Variants in OXCT1 observed in about 807,000 individuals in gnomAD.
OXCT1 encodes the protein succinyl-CoA:3-ketoacid coenzyme A transferase 1, mitochondrial.
Under a neutral mutation model 69.6 loss-of-function variants are expected in OXCT1, and 27 were observed. The observed-to-expected ratio is 0.39, with a 90% CI of 0.29 to 0.54. The LOEUF (loss-of-function observed/expected upper bound fraction) is 0.54, where lower values mean the gene tolerates loss of function less well. Ranked by LOEUF, OXCT1 falls within the 20% of genes least tolerant of loss-of-function variation. The pLI, the probability that OXCT1 is intolerant of heterozygous loss-of-function variation, is 0.72. For synonymous variants in OXCT1, 202 were observed against 217.8 expected, an observed-to-expected ratio of 0.93 and a Z score of 0.64; for missense variants, 437 against 650.2, an observed-to-expected ratio of 0.67 and a Z score of 3.57.
At chr5:41,783,569 G>T (rs929995065) in intron 13 of OXCT1, among the ~76,000 whole-genome samples, 1 of 152,154 alleles carries the variant, frequency 6.6e-6, no homozygotes, top group Admixed American at 6.5e-5. Flanking sequence ...TAGCCAAAAG[G>T]ATATTTATAA....
intron 13 of OXCT1, among the ~76,000 whole-genome samples, chr5:41,782,274 G>A (rs1346015010): frequency 6.6e-6 from 1 of 151,378 alleles, no homozygotes; most frequent in African/African-American, 2.4e-5. Flanking sequence ...GAGTGCAGTG[G>A]TGTGACCTCA....
intron 7 of OXCT1, among the ~76,000 whole-genome samples, chr5:41,818,367 C>T (rs1171133896): frequency 6.6e-6 from 1 of 152,086 alleles, no homozygotes; most frequent in African/African-American, 2.4e-5. Flanking sequence ...GGATGTGTTA[C>T]TTGTCAAAGG....
intron 3 of OXCT1, among the ~76,000 whole-genome samples, chr5:41,853,829 A>G (rs1236626221): frequency 6.6e-6 from 1 of 152,160 alleles, no homozygotes; most frequent in African/African-American, 2.4e-5. Flanking sequence ...AGGGACATAC[A>G]GCCAATATTC....
At chr5:41,743,615 C>T (rs1383024785) in intron 15 of OXCT1, among the ~76,000 whole-genome samples, 1 of 152,124 alleles carries the variant, frequency 6.6e-6, no homozygotes, top group Non-Finnish European at 1.5e-5. Context: ...GGTTTTAGGT[C>T]TAACATTTAA....
At chr5:41,858,586 C>G (rs1749565313) in intron 3 of OXCT1, among the ~76,000 whole-genome samples, 1 of 152,020 alleles carries the variant, frequency 6.6e-6, no homozygotes, top group South Asian at 2.1e-4. Context: ...AAGTCTAAGG[C>G]CAAGAATTCA....
chr5:41,803,215 C>A, intron 9 of OXCT1, 52 bp from the exon 10 acceptor site: 1 of 1,204,086 alleles, frequency 8.3e-7, no homozygotes, highest in South Asian at 1.2e-5. Flanking sequence ...AGAAGTTATA[C>A]CATAAATCTT....
At chr5:41,818,241 G>A (rs900759333) in intron 7 of OXCT1, among the ~76,000 whole-genome samples, 1 of 151,918 alleles carries the variant, frequency 6.6e-6, no homozygotes, top group Non-Finnish European at 1.5e-5. Context: ...AATAATAGAG[G>A]GAACATTCCA....
chr5:41,827,152 C>T lies in OXCT1; in HGVS notation c.732+13299G>A, dbSNP rs149818255. Among the ~76,000 whole-genome samples the T allele has an allele frequency of 4.2e-3, 633 of 152,256 alleles. 3 individuals are homozygous for T. The highest frequency in any genetic ancestry group is 6.1e-3 in the Non-Finnish European group (418 of 68,006). On this transcript the variant is annotated intron_variant, in intron 7 of 16. Transcript: ENST00000196371. ...TCTAAAGTCTGTTCTACAAACAATA[C>T]GCAAGCTAAAATTATGACCTTTCCA...
rs1049504179 is a variant in OXCT1, at chr5:41,799,226, T to C, written c.1099+1796A>G. Among the ~76,000 whole-genome samples the C allele has an allele frequency of 6.6e-5, 10 of 152,212 alleles. 1 individual carries two copies. The highest frequency in any genetic ancestry group is 4.6e-4 in the Admixed American group (7 of 15,278). ...CTTTCAAACTAACACAAATAATGGG[T>C]TGATCTTGCAGATAACTTTGGGAAT... On this transcript the variant is annotated intron_variant, in intron 11 of 16. Coordinates refer to ENST00000196371, the MANE Select transcript of OXCT1 (RefSeq NM_000436.4).
At chr5:41,783,193 A>G (rs1745493162) in intron 13 of OXCT1, among the ~76,000 whole-genome samples, 1 of 152,228 alleles carries the variant, frequency 6.6e-6, no homozygotes. Flanking sequence ...TCTAAGCTGG[A>G]TGTATGCATT....
At position 41,828,536 on chromosome 5, in the gene OXCT1, T is replaced by C. The variant is rs1005819530; in HGVS notation, c.732+11915A>G. Among the ~76,000 whole-genome samples, 36 of 152,160 alleles carry C rather than the reference T, an allele frequency of 2.4e-4. 1 individual carries two copies. The highest frequency in any genetic ancestry group is 1.3e-4 in the Non-Finnish European group (9 of 68,016). ...TCCATCAATATGTAATTATATCATA[T>C]TAATGTCAGATCTATTGACAGAGGC... On this transcript the variant is annotated intron_variant, in intron 7 of 16. Transcript: ENST00000196371.
intron 11 of OXCT1, among the ~76,000 whole-genome samples, chr5:41,799,522 C>T (rs1350500432): frequency 6.6e-6 from 1 of 152,132 alleles, no homozygotes; most frequent in African/African-American, 2.4e-5. Context: ...TACTTCTAAG[C>T]TCTATGGAAT....
chr5:41,798,159 A>T (rs780909950), intron 11 of OXCT1, among the ~76,000 whole-genome samples: 5 of 152,194 alleles, frequency 3.3e-5, no homozygotes, highest in Non-Finnish European at 5.9e-5. Context: ...GAGCAAAGAC[A>T]TGCAAAGAAG....
intron 13 of OXCT1, among the ~76,000 whole-genome samples, chr5:41,776,863 T>C (rs1027472170): frequency 5.9e-5 from 9 of 152,108 alleles, no homozygotes; most frequent in Admixed American, 4.6e-4. Context: ...GATAGAGCTT[T>C]GGAAAAAAAA....
chr5:41,838,360 T>C (rs1748471266), intron 7 of OXCT1, among the ~76,000 whole-genome samples: 1 of 152,222 alleles, frequency 6.6e-6, no homozygotes, highest in Non-Finnish European at 1.5e-5. Flanking sequence ...TCTATGGTCA[T>C]GTTTCTACTA....
Position 41,853,520 on chromosome 5 carries a change from A to C in OXCT1, c.313T>G (p.Ser105Ala). 1 of 1,613,954 alleles carries C rather than the reference A, an allele frequency of 6.2e-7. No individual in the cohort carries two copies. Among genetic ancestry groups the C allele is most frequent in the Non-Finnish European group, 8.5e-7 (1 of 1,179,878 alleles). Residue 105 changes from serine (S) to alanine (A), a missense_variant, in exon 4 of 17, where the codon TCC (serine) becomes GCC (alanine). Physicochemically the swap from Ser to Ala is moderately conservative, Grantham distance 99. Transcript: ENST00000196371. ...DNFGLGLLLR[S>A]KQIKRMVSSY... is the part of the protein sequence containing the mutation. ...GAGACCATGCGTTTTATCTGCTTGG[A>C]CCGAAGCAAAAGCCCCAAACCAAAA...
chr5:41,836,217 A>G (rs927960108), intron 7 of OXCT1, among the ~76,000 whole-genome samples: 1 of 152,160 alleles, frequency 6.6e-6, no homozygotes, highest in African/African-American at 2.4e-5. Flanking sequence ...CCTCACTCAA[A>G]GAGAGGGAGG....
intron 7 of OXCT1, among the ~76,000 whole-genome samples, chr5:41,810,434 GA>G (rs1181477848): frequency 6.6e-6 from 1 of 152,072 alleles, no homozygotes; most frequent in Non-Finnish European, 1.5e-5. Flanking sequence ...GATCAAGATG[GA>G]AGAGAGGTAG....
At chr5:41,783,858 T>A (rs1745527149) in intron 13 of OXCT1, among the ~76,000 whole-genome samples, 1 of 152,150 alleles carries the variant, frequency 6.6e-6, no homozygotes. Context: ...AAATATATCA[T>A]ATGAAGCACA....
Sources: gnomAD v4.1 joint callset for allele counts (sites outside exome capture counted in the v4.1 genomes callset) on GRCh38, gnomAD v4.1.1 for gene constraint, MANE v1.5 for transcripts, NCBI Gene and HGNC (gene_info 2026-07-23, HGNC 2026-07-21) for gene names.